Variants in TMEM117 observed in about 807,000 individuals in gnomAD.
TMEM117 encodes transmembrane protein 117.
In TMEM117, 27 loss-of-function variants were observed where a neutral mutation model predicts 52.4. That is an observed-to-expected ratio of 0.51 (90% CI 0.38 to 0.71). The LOEUF is 0.71. Among genes scored for constraint, TMEM117 ranks in the 30% least tolerant of loss-of-function variants. The pLI, the probability that TMEM117 is intolerant of heterozygous loss-of-function variation, is 0.00. For synonymous variants in TMEM117, 215 were observed against 206.3 expected (o/e 1.04, Z -0.36); for missense variants, 556 against 630.5 (o/e 0.88, Z 1.26).
intron 3 of TMEM117, among the ~76,000 whole-genome samples, chr12:44,105,117 C>T (rs1947930444): frequency 6.6e-6 from 1 of 151,786 alleles, no homozygotes; most frequent in African/African-American, 2.4e-5. Flanking sequence ...TACATTACAC[C>T]TTTTATAGTT....
chr12:44,260,724 T>C (rs1426453540), intron 5 of TMEM117, among the ~76,000 whole-genome samples: 1 of 152,188 alleles, frequency 6.6e-6, no homozygotes, highest in Non-Finnish European at 1.5e-5. Flanking sequence ...AGAGATTAGT[T>C]TTGTTTTGTC....
chr12:43,874,568 G>T (rs529070307), intron 2 of TMEM117, among the ~76,000 whole-genome samples: 10 of 152,284 alleles, frequency 6.6e-5, no homozygotes, highest in African/African-American at 1.9e-4. Context: ...TCCAGCCTGG[G>T]CGACAAGAAC....
chr12:44,146,276 A>C (rs191478951), intron 4 of TMEM117, among the ~76,000 whole-genome samples: 1 of 152,182 alleles, frequency 6.6e-6, no homozygotes, highest in Admixed American at 6.5e-5. Flanking sequence ...TTCTAATTTT[A>C]CTGCTTTAAT....
chr12:44,242,977 G>T (rs985186408), intron 5 of TMEM117, among the ~76,000 whole-genome samples: 1 of 151,854 alleles, frequency 6.6e-6, no homozygotes, highest in Non-Finnish European at 1.5e-5. Context: ...TCTCACTGTG[G>T]TTTTGATGTG....
At chr12:44,212,793 C>T (rs867025930) in intron 5 of TMEM117, among the ~76,000 whole-genome samples, 9 of 151,026 alleles carry the variant, frequency 6.0e-5, no homozygotes, top group African/African-American at 1.2e-4. Flanking sequence ...TTAATTCTGG[C>T]GGTTGATTTT....
At chr12:44,336,931 G>A (rs541029575) in intron 6 of TMEM117, among the ~76,000 whole-genome samples, 21 of 152,114 alleles carry the variant, frequency 1.4e-4, no homozygotes, top group African/African-American at 4.8e-4. Flanking sequence ...AATTGATGCT[G>A]CTGACGGGAG....
chr12:43,898,980 A>G (rs2137499950), intron 2 of TMEM117, among the ~76,000 whole-genome samples: 1 of 152,322 alleles, frequency 6.6e-6, no homozygotes, highest in Non-Finnish European at 1.5e-5. Flanking sequence ...GCTGTCCGTC[A>G]GTGGATTTCT....
chr12:44,256,068 G>GT (rs1950257005), intron 5 of TMEM117, among the ~76,000 whole-genome samples: 1 of 151,734 alleles, frequency 6.6e-6, no homozygotes, highest in Non-Finnish European at 1.5e-5. Flanking sequence ...AAAAACACTA[G>GT]TTAGGAACAT....
intron 5 of TMEM117, among the ~76,000 whole-genome samples, chr12:44,217,169 T>A (rs1949729484): frequency 6.6e-6 from 1 of 152,164 alleles, no homozygotes; most frequent in African/African-American, 2.4e-5. Context: ...AGGGGAAATG[T>A]CAGGCAGAAG....
At chr12:43,970,044 T>C (rs1290902968) in intron 3 of TMEM117, among the ~76,000 whole-genome samples, 1 of 152,182 alleles carries the variant, frequency 6.6e-6, no homozygotes, top group Non-Finnish European at 1.5e-5. Context: ...GAGTCATTCT[T>C]AGTAGCTTGA....
chr12:43,797,000 T>C, the TMEM117 span: 8 of 1,611,078 alleles, frequency 5.0e-6, no homozygotes, highest in Non-Finnish European at 6.8e-6. Context: ...CCATTTGTAG[T>C]TGTCTTTCTA....
chr12:43,865,926 T>G (rs1943588617), intron 2 of TMEM117, among the ~76,000 whole-genome samples: 1 of 151,664 alleles, frequency 6.6e-6, no homozygotes, highest in Non-Finnish European at 1.5e-5. Context: ...ATCTATAAAG[T>G]CCAGTTTAAA....
chr12:44,387,982 T>C, intron 7 of TMEM117, 44 bp from the exon 8 acceptor site: 4 of 1,529,694 alleles, frequency 2.6e-6, no homozygotes, highest in Non-Finnish European at 3.5e-6. Flanking sequence ...CTTATTGCAA[T>C]TTTATGGCCC....
chr12:43,998,119 T>C (rs959837990), intron 3 of TMEM117, among the ~76,000 whole-genome samples: 2 of 152,130 alleles, frequency 1.3e-5, no homozygotes, highest in African/African-American at 4.8e-5. Flanking sequence ...GAAGGTAAAA[T>C]CTATAGCAAA....
chr12:44,047,008 C>A (rs1946890223), intron 3 of TMEM117, among the ~76,000 whole-genome samples: 1 of 151,980 alleles, frequency 6.6e-6, no homozygotes, highest in South Asian at 2.1e-4. Flanking sequence ...CGGGGGTGAA[C>A]TTGTGATGGT....
chr12:44,132,359 C>T (rs1324148301), intron 3 of TMEM117, among the ~76,000 whole-genome samples: 1 of 151,958 alleles, frequency 6.6e-6, no homozygotes, highest in Non-Finnish European at 1.5e-5. Context: ...TAGCAAATAT[C>T]CCATCTAAGT....
chr12:44,289,406 T>G (rs1385007520), intron 5 of TMEM117, among the ~76,000 whole-genome samples: 1 of 152,084 alleles, frequency 6.6e-6, no homozygotes, highest in East Asian at 1.9e-4. Flanking sequence ...AGATATATAT[T>G]CAGAAGTGGA....
intron 5 of TMEM117, among the ~76,000 whole-genome samples, chr12:44,258,173 G>T (rs1310434204): frequency 6.6e-6 from 1 of 152,036 alleles, no homozygotes; most frequent in African/African-American, 2.4e-5. Flanking sequence ...TCAACAAAAT[G>T]CATTTTTTAT....
chr12:44,251,747 T>C (rs17094348), intron 5 of TMEM117, among the ~76,000 whole-genome samples: 11,836 of 152,134 alleles, frequency 0.078, 1,383 homozygotes, highest in African/African-American at 0.26. Flanking sequence ...TCAAAGAAAA[T>C]ATTTAAAGTC....
Sources: gnomAD v4.1 joint callset for allele counts (sites outside exome capture counted in the v4.1 genomes callset) on GRCh38, gnomAD v4.1.1 for gene constraint, MANE v1.5 for transcripts, NCBI Gene and HGNC (gene_info 2026-07-23, HGNC 2026-07-21) for gene names.